Variants in DPP6 observed in about 807,000 individuals in gnomAD.
The protein encoded by DPP6 is A-type potassium channel modulatory protein DPP6.
Under a neutral mutation model 122.6 loss-of-function variants are expected in DPP6, and 69 were observed. The ratio of observed to expected loss-of-function variants is 0.56; its 90% CI spans 0.46 to 0.69. DPP6 has a LOEUF of 0.69. DPP6 is among the 30% of genes least tolerant of loss of function. DPP6 has a pLI of 0.00. For missense variants in DPP6, 928 were observed against 1,116.9 expected, an observed-to-expected ratio of 0.83 and a Z score of 2.41; for synonymous variants, 418 against 433.1, an observed-to-expected ratio of 0.97 and a Z score of 0.43.
chr7:154,083,526 T>G (rs1309501877), intron 1 of DPP6, among the ~76,000 whole-genome samples: 3 of 150,668 alleles, frequency 2.0e-5, no homozygotes, highest in African/African-American at 7.4e-5. Flanking sequence ...CTTCTCTTCC[T>G]TTTATTTTTT....
At chr7:154,689,011 A>G (rs567117601) in intron 7 of DPP6, among the ~76,000 whole-genome samples, 2 of 152,282 alleles carry the variant, frequency 1.3e-5, no homozygotes, top group African/African-American at 4.8e-5. Context: ...TGGATCTTGT[A>G]TTTAGATAAT....
At chr7:154,572,944 T>C (rs1831223219) in intron 5 of DPP6, among the ~76,000 whole-genome samples, 1 of 151,878 alleles carries the variant, frequency 6.6e-6, no homozygotes, top group Admixed American at 6.6e-5. Context: ...CCTCCCAAAA[T>C]GCTGGGGTTA....
At chr7:154,476,073 A>T (rs1227066729) in intron 3 of DPP6, among the ~76,000 whole-genome samples, 1 of 152,154 alleles carries the variant, frequency 6.6e-6, no homozygotes, top group Non-Finnish European at 1.5e-5. Flanking sequence ...CATGCTTCAC[A>T]AACTCTCAGA....
chr7:154,640,911 C>G (rs1363832868), intron 6 of DPP6, among the ~76,000 whole-genome samples: 4 of 152,126 alleles, frequency 2.6e-5, no homozygotes, highest in African/African-American at 7.2e-5. Context: ...AAATTAAAGC[C>G]AGAGGCCGTG....
chr7:154,352,412 G>A (rs773074347), intron 1 of DPP6, among the ~76,000 whole-genome samples: 16 of 151,952 alleles, frequency 1.1e-4, no homozygotes, highest in East Asian at 1.9e-4. Flanking sequence ...GCAGTGAGCC[G>A]AGATCATGCC....
At chr7:154,402,689 G>A (rs1319825292) in intron 1 of DPP6, among the ~76,000 whole-genome samples, 1 of 150,294 alleles carries the variant, frequency 6.7e-6, no homozygotes, top group African/African-American at 2.5e-5. Flanking sequence ...CATGGCACAT[G>A]TATACATATG....
intron 1 of DPP6, among the ~76,000 whole-genome samples, chr7:154,265,021 G>A: frequency 6.6e-6 from 1 of 152,352 alleles, no homozygotes; most frequent in South Asian, 2.1e-4. Context: ...TGATAGTGAT[G>A]ATGGTGTTAA....
At chr7:154,885,919 T>G (rs1213497919) in intron 22 of DPP6, among the ~76,000 whole-genome samples, 175 bp downstream of exon 22, 1 of 151,114 alleles carries the variant, frequency 6.6e-6, no homozygotes, top group Non-Finnish European at 1.5e-5. Context: ...GAGGGAAGGG[T>G]CTCAGGTAAT....
chr7:154,224,716 C>G (rs1800495683), intron 1 of DPP6, among the ~76,000 whole-genome samples: 1 of 149,360 alleles, frequency 6.7e-6, no homozygotes, highest in Non-Finnish European at 1.5e-5. Context: ...TTAAAATTTA[C>G]CAATACTAGG....
At chr7:154,746,289 C>T (rs1843032816) in intron 8 of DPP6, among the ~76,000 whole-genome samples, 1 of 152,134 alleles carries the variant, frequency 6.6e-6, no homozygotes, top group Non-Finnish European at 1.5e-5. Context: ...TCCCCAGGGC[C>T]TCCTCTGATC....
Position 154,892,491 on chromosome 7 carries a change from C to T in DPP6, c.*11C>T, listed in dbSNP as rs774852579. Reference sequence around the variant, plus strand: ...GAGGAGGAGGACTAAGCTCAGGTCGCTCTAAGCACAAACGTGGCTCTTTCT... The same window carrying T: ...GAGGAGGAGGACTAAGCTCAGGTCGTTCTAAGCACAAACGTGGCTCTTTCT... On this transcript the variant is annotated 3_prime_UTR_variant, in exon 26 of 26. Coordinates refer to ENST00000377770, the MANE Select transcript of DPP6 (RefSeq NM_130797.4). 1.2e-5 allele frequency: 19 copies of T among 1,613,060 alleles called. No individual in the cohort carries two copies. The highest frequency in any genetic ancestry group is 1.6e-5 in the Non-Finnish European group (19 of 1,179,292).
chr7:154,794,541 A>C (rs1212743187), intron 11 of DPP6, among the ~76,000 whole-genome samples: 1 of 152,140 alleles, frequency 6.6e-6, no homozygotes, highest in Non-Finnish European at 1.5e-5. Context: ...GTTGCAGCTG[A>C]TGCTCAGAGA....
chr7:154,764,128 T>C (rs994386486), intron 8 of DPP6, among the ~76,000 whole-genome samples: 1 of 152,176 alleles, frequency 6.6e-6, no homozygotes, highest in African/African-American at 2.4e-5. Context: ...ATTGCTGGGA[T>C]ACAGAGGGGA....
At chr7:154,222,288 A>G (rs1800349285) in intron 1 of DPP6, among the ~76,000 whole-genome samples, 1 of 152,164 alleles carries the variant, frequency 6.6e-6, no homozygotes, top group Non-Finnish European at 1.5e-5. Flanking sequence ...CCACAGCCAC[A>G]CACAGCCTGT....
At chr7:153,813,229 A>G in the DPP6 span, among the ~76,000 whole-genome samples, 5 of 122,956 alleles carry the variant, frequency 4.1e-5, no homozygotes, top group African/African-American at 6.4e-5. Flanking sequence ...TCCTGTGTCC[A>G]TGCGTTCTCA....
intron 16 of DPP6, among the ~76,000 whole-genome samples, chr7:154,808,711 G>A (rs1374513904): frequency 6.6e-6 from 1 of 152,130 alleles, no homozygotes; most frequent in Non-Finnish European, 1.5e-5. Context: ...GGAAATTACA[G>A]GGATTGACGG....
chr7:154,882,286 G>A (rs911533753), intron 21 of DPP6, among the ~76,000 whole-genome samples: 1 of 152,166 alleles, frequency 6.6e-6, no homozygotes, highest in Non-Finnish European at 1.5e-5. Context: ...CTGTACCCCC[G>A]CACTCAGCTC....
intron 6 of DPP6, among the ~76,000 whole-genome samples, chr7:154,668,219 A>ATATATATATATATAT (rs1554430259): frequency 1.2e-3 from 65 of 54,324 alleles, no homozygotes; most frequent in Non-Finnish European, 2.0e-3. Flanking sequence ...ATATATATAT[A>ATATATATATATATAT]ATATACACAT....
chr7:153,766,913 G>C, the DPP6 span, among the ~76,000 whole-genome samples: 1 of 152,214 alleles, frequency 6.6e-6, no homozygotes, highest in East Asian at 1.9e-4. Flanking sequence ...CATGTCACAA[G>C]CCACATAATA....
Sources: allele counts gnomAD v4.1 joint callset (sites outside exome capture counted in the v4.1 genomes callset), GRCh38; gene constraint gnomAD v4.1.1; transcripts MANE v1.5; gene names NCBI Gene and HGNC (gene_info 2026-07-23, HGNC 2026-07-21).